WWC2: variants seen among roughly 807,000 people sequenced by gnomAD.
The protein encoded by WWC2 is WW and C2 domain containing 2.
In WWC2, 101 loss-of-function variants were observed where a neutral mutation model predicts 138.5. That is an observed-to-expected ratio of 0.73 (90% CI 0.62 to 0.86). WWC2 has a LOEUF of 0.86. Among genes scored for constraint, WWC2 ranks in the 40% least tolerant of loss-of-function variants. The pLI is 0.00. For synonymous variants in WWC2, 558 were observed against 538.4 expected, an observed-to-expected ratio of 1.04 and a Z score of -0.50; for missense variants, 1,420 against 1,419.4, an observed-to-expected ratio of 1.00 and a Z score of -0.01.
At position 183,313,771 on chromosome 4, in the gene WWC2, C is replaced by T. The variant is rs79089615; in HGVS notation, c.3512+1303C>T. On this transcript the variant is annotated intron_variant, in intron 22 of 22. Transcript: ENST00000403733. The stretch of plus-strand genomic sequence containing the variant: ...TGCTAGAAAGAATGGCTGGAGAGGT[C>T]AGAGGAGAACCAGGAGCCTGGGGCA... Among the ~76,000 whole-genome samples, 1,357 of 150,624 alleles carry T rather than the reference C, an allele frequency of 9.0e-3. 18 individuals are homozygous for T. The highest frequency in any genetic ancestry group is 0.032 in the African/African-American group (1,293 of 40,892).
chr4:183,193,984 A>G (rs1735062866), intron 2 of WWC2, among the ~76,000 whole-genome samples: 1 of 152,084 alleles, frequency 6.6e-6, no homozygotes, highest in African/African-American at 2.4e-5. Context: ...CAGGTCTGGG[A>G]ACCTGTGGGG....
intron 4 of WWC2, among the ~76,000 whole-genome samples, chr4:183,211,698 T>A (rs1015097156): frequency 3.3e-5 from 5 of 152,236 alleles, no homozygotes; most frequent in African/African-American, 1.2e-4. Flanking sequence ...CCAGCCCTTC[T>A]CTGTGTCTCA....
In WWC2 at chr4:183,320,360, A is replaced by G. The variant is rs1190439278; in HGVS notation, c.*4631A>G. On this transcript the variant is annotated 3_prime_UTR_variant, in exon 23 of 23. Coordinates refer to ENST00000403733, the MANE Select transcript of WWC2 (RefSeq NM_024949.6). The stretch of plus-strand genomic sequence containing the variant: ...TAGGAGGATTCTTGCCAGAGTTGCT[A>G]TTGTTTGATTCCATGTTGAATGGGT... The G allele has an allele frequency of 1.1e-5, 9 of 794,996 alleles. No individual in the cohort carries two copies. Among genetic ancestry groups the G allele is most frequent in the East Asian group, 2.7e-5 (1 of 37,514 alleles). The allele number at this position is 794,996 out of a possible 1,614,324, so 49.2% of individuals were successfully genotyped here.
intron 6 of WWC2, among the ~76,000 whole-genome samples, chr4:183,247,047 T>TCTC (rs1736801711): frequency 6.6e-6 from 1 of 152,174 alleles, no homozygotes; most frequent in South Asian, 2.1e-4. Flanking sequence ...GATGCAGAGA[T>TCTC]TGACAATAGA....
intron 4 of WWC2, among the ~76,000 whole-genome samples, chr4:183,217,987 A>C (rs1580068926): frequency 6.6e-6 from 1 of 152,310 alleles, no homozygotes; most frequent in African/African-American, 2.4e-5. Flanking sequence ...GTAAAGAGAA[A>C]ATCTTAAAAG....
At chr4:183,200,789 GGAGA>G (rs1017536178) in intron 2 of WWC2, among the ~76,000 whole-genome samples, 3 of 152,058 alleles carry the variant, frequency 2.0e-5, no homozygotes, top group Non-Finnish European at 4.4e-5. Flanking sequence ...GAAGAATCAG[GGAGA>G]GAGAGAGTGA....
At chr4:183,204,786 G>C (rs1340977883) in intron 2 of WWC2, among the ~76,000 whole-genome samples, 1 of 152,172 alleles carries the variant, frequency 6.6e-6, no homozygotes, top group Non-Finnish European at 1.5e-5. Context: ...TCTCAGTACT[G>C]CTGGGCCCAG....
chr4:183,261,171 G>C lies in WWC2; in HGVS notation c.1548G>C (p.Gln516His). Residue 516 changes from glutamine to histidine, a missense_variant, in exon 11 of 23, where the codon CAG (glutamine) becomes CAC (histidine). Coordinates refer to ENST00000403733, the MANE Select transcript of WWC2 (RefSeq NM_024949.6). ...ACGAGGTGGTCAAGTCCCCTAGCCA[G>C]CCTGGCCAGAGTGGACTCTGTGGAG... ...HENEVVKSPS[Q>H]PGQSGLCGVA... 6.2e-7 allele frequency: 1 copy of C among 1,613,748 alleles called. No homozygotes were observed. The highest frequency in any genetic ancestry group is 1.1e-5 in the South Asian group (1 of 91,008).
At chr4:183,279,561 C>T (rs1482920528) in intron 16 of WWC2, among the ~76,000 whole-genome samples, 1 of 152,158 alleles carries the variant, frequency 6.6e-6, no homozygotes, top group Non-Finnish European at 1.5e-5. Flanking sequence ...GTACCAGTTC[C>T]TCCTTGTACT....
intron 1 of WWC2, among the ~76,000 whole-genome samples, chr4:183,186,185 C>T (rs1285738432): frequency 6.6e-6 from 1 of 152,100 alleles, no homozygotes; most frequent in Non-Finnish European, 1.5e-5. Flanking sequence ...ACCTTGTGAT[C>T]CTCCCGCCTC....
intron 9 of WWC2, among the ~76,000 whole-genome samples, chr4:183,257,668 G>A (rs370506630): frequency 2.6e-5 from 4 of 152,166 alleles, no homozygotes; most frequent in African/African-American, 4.8e-5. Context: ...TGAAATACAC[G>A]TGGATTCTGA....
At chr4:183,246,873 A>C (rs941824816) in intron 6 of WWC2, among the ~76,000 whole-genome samples, 3 of 137,690 alleles carry the variant, frequency 2.2e-5, no homozygotes, top group African/African-American at 1.0e-4. Flanking sequence ...TAGGTCCTTT[A>C]AAAAAAAAAG....
intron 8 of WWC2, among the ~76,000 whole-genome samples, chr4:183,251,728 G>A (rs534915018): frequency 4.6e-5 from 7 of 152,094 alleles, no homozygotes; most frequent in Admixed American, 2.6e-4. Flanking sequence ...TTGCATTGGC[G>A]TGCCATTTGG....
chr4:183,269,232 G>T, intron 15 of WWC2, 69 bp downstream of exon 15: 1 of 1,494,422 alleles, frequency 6.7e-7, no homozygotes, highest in Non-Finnish European at 9.0e-7. Flanking sequence ...ATACTTTGTA[G>T]TTGCTATTTT....
rs1421793298 is a variant in WWC2, at chr4:183,189,308, G to T, written c.132-4291G>T. Among the ~76,000 whole-genome samples, 10 of 151,908 alleles carry T rather than the reference G, an allele frequency of 6.6e-5. No individual in the cohort carries two copies. In the East Asian group the frequency reaches 1.8e-3, roughly 27 times the overall value. ...AAAAATTAGCCAGGCGTGGTGGCGG[G>T]CGCCTGCAATCCCAGCTACTCGAGA... On this transcript the variant is annotated intron_variant, in intron 1 of 22. Coordinates refer to ENST00000403733, the MANE Select transcript of WWC2 (RefSeq NM_024949.6).
At chr4:183,149,638 C>CT (rs1220299533) in intron 1 of WWC2, among the ~76,000 whole-genome samples, 1 of 144,416 alleles carries the variant, frequency 6.9e-6, no homozygotes, top group East Asian at 2.1e-4. Flanking sequence ...AAAAAAAAAT[C>CT]TTTAAGTATT....
chr4:183,170,263 C>A (rs1449219890), intron 1 of WWC2, among the ~76,000 whole-genome samples: 2 of 152,186 alleles, frequency 1.3e-5, no homozygotes, highest in African/African-American at 4.8e-5. Flanking sequence ...AGGAGGCAGA[C>A]ACCTAGAGTC....
At chr4:183,214,674 C>A (rs1735702744) in intron 4 of WWC2, among the ~76,000 whole-genome samples, 1 of 151,994 alleles carries the variant, frequency 6.6e-6, no homozygotes, top group East Asian at 1.9e-4. Context: ...TGCCCGTAAT[C>A]CCAGCTACTA....
chr4:183,246,277 C>CT (rs1046003938), intron 6 of WWC2, among the ~76,000 whole-genome samples: 85 of 152,222 alleles, frequency 5.6e-4, no homozygotes, highest in African/African-American at 1.9e-3. Flanking sequence ...ATCCCAAACA[C>CT]TAAGAATTCT....
Sources: allele counts gnomAD v4.1 joint callset (sites outside exome capture counted in the v4.1 genomes callset), GRCh38; gene constraint gnomAD v4.1.1; transcripts MANE v1.5; gene names NCBI Gene and HGNC (gene_info 2026-07-23, HGNC 2026-07-21).